CSMD1: variants seen among roughly 807,000 people sequenced by gnomAD.
The protein encoded by CSMD1 is CUB and sushi domain-containing protein 1.
CSMD1 carries 213 observed loss-of-function variants against 417.5 expected under a neutral mutation model. That is an observed-to-expected ratio of 0.51 (90% CI 0.46 to 0.57). The LOEUF (loss-of-function observed/expected upper bound fraction) is 0.57. Ranked by LOEUF, CSMD1 falls within the 20% of genes least tolerant of loss-of-function variation. The pLI, the probability that CSMD1 is intolerant of heterozygous loss-of-function variation, is 0.00. For synonymous variants in CSMD1, 2,862 were observed against 1,736.8 expected (o/e 1.65, Z -16.11); for missense variants, 6,923 against 4,529.7 (o/e 1.53, Z -15.17).
At chr8:4,549,140 A>G (rs1020217919) in intron 2 of CSMD1, among the ~76,000 whole-genome samples, 15 of 152,082 alleles carry the variant, frequency 9.9e-5, no homozygotes, top group African/African-American at 2.4e-4. Context: ...TCTTGCCCCA[A>G]TTGTCTTTCT....
chr8:3,434,890 G>A (rs961466192), intron 12 of CSMD1, among the ~76,000 whole-genome samples: 3 of 152,272 alleles, frequency 2.0e-5, no homozygotes, highest in African/African-American at 2.4e-5. Flanking sequence ...AGGAAATATC[G>A]GGAATACTTG....
At chr8:3,142,804 G>A (rs1818585749) in intron 40 of CSMD1, 130 bp from the exon 41 acceptor site, 3 of 807,944 alleles carry the variant, frequency 3.7e-6, no homozygotes, top group South Asian at 1.6e-5. Context: ...CCATGCCGTG[G>A]AGGACGGCAT....
chr8:3,581,990 T>A (rs987371572), intron 9 of CSMD1, among the ~76,000 whole-genome samples: 1 of 152,162 alleles, frequency 6.6e-6, no homozygotes, highest in Admixed American at 6.5e-5. Context: ...AGACAGAGTT[T>A]CACTATGTTG....
At chr8:4,906,856 C>T (rs1805315982) in intron 1 of CSMD1, among the ~76,000 whole-genome samples, 1 of 152,170 alleles carries the variant, frequency 6.6e-6, no homozygotes, top group South Asian at 2.1e-4. Flanking sequence ...CTGCCCCCGG[C>T]CTTGAGTTTC....
intron 1 of CSMD1, among the ~76,000 whole-genome samples, chr8:4,971,826 G>T (rs1261437240): frequency 6.6e-6 from 1 of 151,882 alleles, no homozygotes; most frequent in African/African-American, 2.4e-5. Flanking sequence ...AAGATAAGTT[G>T]ATTTGTCTCA....
At chr8:4,656,572 T>C (rs1176437115) in intron 1 of CSMD1, among the ~76,000 whole-genome samples, 4 of 151,642 alleles carry the variant, frequency 2.6e-5, no homozygotes, top group South Asian at 2.1e-4. Context: ...GCAAATACGA[T>C]TGTTGTGAAT....
At position 3,642,191 on chromosome 8, in the gene CSMD1, T is replaced by C. The variant is rs147131651; in HGVS notation, c.1010-25394A>G. Among the ~76,000 whole-genome samples, 134 of 151,422 alleles carry C rather than the reference T, an allele frequency of 8.8e-4. 1 individual carries two copies. The East Asian group carries it at 8.9e-3, about 10-fold the overall frequency. On this transcript the variant is annotated intron_variant, in intron 7 of 69. Transcript: ENST00000635120. Reference sequence around the variant, plus strand: ...TAATATTTATACATAATATATAATATATAGAAGATGATGTATATAAAAATA... The same window carrying C: ...TAATATTTATACATAATATATAATACATAGAAGATGATGTATATAAAAATA...
intron 3 of CSMD1, among the ~76,000 whole-genome samples, chr8:4,223,219 G>A (rs1403681650): frequency 2.0e-5 from 3 of 152,018 alleles, no homozygotes; most frequent in Non-Finnish European, 2.9e-5. Context: ...AGCCACAAAT[G>A]AAATCTTTGC....
chr8:3,372,894 C>T (rs938749754), intron 18 of CSMD1, among the ~76,000 whole-genome samples: 1 of 152,146 alleles, frequency 6.6e-6, no homozygotes, highest in Non-Finnish European at 1.5e-5. Context: ...TGCCAGCGCA[C>T]CGCGTAGTGG....
At chr8:3,565,010 G>GGT (rs1799637948) in intron 10 of CSMD1, among the ~76,000 whole-genome samples, 1 of 151,120 alleles carries the variant, frequency 6.6e-6, no homozygotes, top group Non-Finnish European at 1.5e-5. Context: ...GTGATGGGAA[G>GGT]CAAAGCACCA....
intron 1 of CSMD1, among the ~76,000 whole-genome samples, chr8:4,791,252 G>A (rs1424840503): frequency 6.6e-6 from 1 of 152,196 alleles, no homozygotes; most frequent in Non-Finnish European, 1.5e-5. Context: ...GGTTGCAGGG[G>A]CTTTGCCTGT....
chr8:3,884,401 T>A (rs757908922), intron 5 of CSMD1, among the ~76,000 whole-genome samples: 1 of 152,004 alleles, frequency 6.6e-6, no homozygotes, highest in Non-Finnish European at 1.5e-5. Flanking sequence ...TGGCATCTTC[T>A]AGCACAAATC....
chr8:4,762,293 G>C (rs1812161775), intron 1 of CSMD1, among the ~76,000 whole-genome samples: 1 of 152,034 alleles, frequency 6.6e-6, no homozygotes, highest in Non-Finnish European at 1.5e-5. Flanking sequence ...ATTGGGGAGA[G>C]AGAAAGAATA....
chr8:3,965,361 G>T (rs74583150), intron 5 of CSMD1, among the ~76,000 whole-genome samples: 2 of 152,154 alleles, frequency 1.3e-5, no homozygotes, highest in African/African-American at 4.8e-5. Flanking sequence ...ATGTTTTGAA[G>T]AGTTTGTGTG....
chr8:4,871,195 T>C (rs945085285), intron 1 of CSMD1, among the ~76,000 whole-genome samples: 2 of 152,120 alleles, frequency 1.3e-5, no homozygotes, highest in African/African-American at 2.4e-5. Context: ...AGTATTTCCA[T>C]AGGATTTTGT....
Position 2,965,966 on chromosome 8 carries a change from G to A in CSMD1, c.9101-12C>T. On this transcript the variant is annotated splice_polypyrimidine_tract_variant and intron_variant, in intron 58 of 69. Transcript: ENST00000635120. ...CCCACAACTTATAACTAATAAACAG[G>A]GAACAGGAAAGAATCAGAGAAATTC... 6.3e-7 allele frequency: 1 copy of A among 1,590,494 alleles called. No individual in the cohort carries two copies.
chr8:4,927,197 C>T (rs930922972), intron 1 of CSMD1, among the ~76,000 whole-genome samples: 3 of 151,286 alleles, frequency 2.0e-5, no homozygotes, highest in African/African-American at 7.3e-5. Context: ...ATCTCCACCT[C>T]CCACGTTCAA....
At chr8:3,703,659 G>C (rs1467499563) in intron 7 of CSMD1, among the ~76,000 whole-genome samples, 1 of 152,180 alleles carries the variant, frequency 6.6e-6, no homozygotes, top group Non-Finnish European at 1.5e-5. Flanking sequence ...GGAAGAAGCA[G>C]AGGAAGAGAT....
intron 5 of CSMD1, among the ~76,000 whole-genome samples, chr8:3,819,976 C>T (rs1419969996): frequency 2.0e-5 from 3 of 152,108 alleles, no homozygotes; most frequent in African/African-American, 7.2e-5. Context: ...AATTGCTGTC[C>T]CCAGACTTGA....
Sources: allele counts gnomAD v4.1 joint callset (sites outside exome capture counted in the v4.1 genomes callset), GRCh38; gene constraint gnomAD v4.1.1; transcripts MANE v1.5; gene names NCBI Gene and HGNC (gene_info 2026-07-23, HGNC 2026-07-21).